The following GRM5 variants were observed in gnomAD, a reference collection of about 807,000 sequenced individuals.
The protein encoded by GRM5 is glutamate metabotropic receptor 5.
In GRM5, 19 loss-of-function variants were observed where a neutral mutation model predicts 83.1. The ratio of observed to expected loss-of-function variants is 0.23; its 90% CI spans 0.16 to 0.34. The LOEUF is 0.34. Ranked by LOEUF, GRM5 falls within the 10% of genes least tolerant of loss-of-function variation. The pLI, the probability that GRM5 is intolerant of heterozygous loss-of-function variation, is 1.00. For missense variants in GRM5, 1,160 were observed against 1,588.3 expected (o/e 0.73, Z 4.58); for synonymous variants, 675 against 633.6 (o/e 1.07, Z -0.98).
intron 2 of GRM5, among the ~76,000 whole-genome samples, chr11:88,972,058 A>G (rs1939179625): frequency 6.6e-6 from 1 of 152,142 alleles, no homozygotes; most frequent in Non-Finnish European, 1.5e-5. Flanking sequence ...AAGCACTGCC[A>G]TCTTAAAGTT....
At chr11:88,708,757 G>C (rs938062879) in intron 3 of GRM5, among the ~76,000 whole-genome samples, 1 of 152,048 alleles carries the variant, frequency 6.6e-6, no homozygotes, top group Non-Finnish European at 1.5e-5. Context: ...TTTAGGAGTA[G>C]TAAAGACTTG....
intron 8 of GRM5, among the ~76,000 whole-genome samples, chr11:88,525,983 C>T (rs1230847783): frequency 6.6e-6 from 1 of 152,156 alleles, no homozygotes; most frequent in African/African-American, 2.4e-5. Flanking sequence ...AATGTGTTGC[C>T]TTCCATTATC....
chr11:88,920,105 T>C (rs1248651181), intron 2 of GRM5, among the ~76,000 whole-genome samples: 7 of 151,408 alleles, frequency 4.6e-5, no homozygotes, highest in African/African-American at 1.7e-4. Context: ...ATCAATGAAA[T>C]GAAAAGATGG....
At chr11:88,777,529 A>G (rs1942883083) in intron 3 of GRM5, among the ~76,000 whole-genome samples, 1 of 151,988 alleles carries the variant, frequency 6.6e-6, no homozygotes, top group East Asian at 1.9e-4. Context: ...GATTTTTAGA[A>G]TTTTCAGCTT....
intron 3 of GRM5, among the ~76,000 whole-genome samples, chr11:88,809,432 A>G (rs1943551913): frequency 6.6e-6 from 1 of 152,042 alleles, no homozygotes; most frequent in Non-Finnish European, 1.5e-5. Flanking sequence ...GAGGTTATAT[A>G]GATTCATTTG....
chr11:88,993,754 C>T lies in GRM5; in HGVS notation c.661+53458G>A, dbSNP rs146234849. ...GTTTGTTTTTTGAGACAGGGTCTCA[C>T]TCTGTTGTCCAGGCTGGAGTGCAGT... is the stretch of plus-strand genomic sequence containing the variant. On this transcript the variant is annotated intron_variant, in intron 2 of 9. Coordinates refer to ENST00000305447, the MANE Select transcript of GRM5 (RefSeq NM_001143831.3). Among the ~76,000 whole-genome samples, 1,269 of 152,256 alleles carry T rather than the reference C, an allele frequency of 8.3e-3. 31 individuals carry two copies. The highest frequency in any genetic ancestry group is 0.064 in the East Asian group (332 of 5,184).
intron 4 of GRM5, among the ~76,000 whole-genome samples, chr11:88,624,173 T>A (rs1938721075): frequency 1.3e-5 from 2 of 152,300 alleles, no homozygotes; most frequent in African/African-American, 4.8e-5. Flanking sequence ...GACCAAAAGT[T>A]TTCCTGAGCC....
chr11:88,823,420 G>A (rs7479982), intron 3 of GRM5, among the ~76,000 whole-genome samples: 40,752 of 151,452 alleles, frequency 0.27, 5,821 homozygotes, highest in South Asian at 0.54. Context: ...ATATCCTTCA[G>A]TATTTTAAGT....
At chr11:88,823,432 T>C (rs1176525460) in intron 3 of GRM5, among the ~76,000 whole-genome samples, 1 of 152,050 alleles carries the variant, frequency 6.6e-6, no homozygotes, top group Admixed American at 6.6e-5. Context: ...ATTTTAAGTT[T>C]ACTGGTTTTG....
chr11:88,601,156 G>T (rs112667439), intron 5 of GRM5, among the ~76,000 whole-genome samples: 16 of 152,114 alleles, frequency 1.1e-4, no homozygotes, highest in African/African-American at 3.9e-4. Flanking sequence ...AATTGACTAT[G>T]CAACCTTGGA....
At chr11:88,696,631 G>T (rs1827103) in intron 3 of GRM5, among the ~76,000 whole-genome samples, 85,472 of 151,566 alleles carry the variant, frequency 0.56, 26,794 homozygotes, top group South Asian at 0.8. Flanking sequence ...TTTGATATTT[G>T]ATAATGAAGC....
At chr11:88,963,520 G>A in intron 2 of GRM5, among the ~76,000 whole-genome samples, 1 of 152,198 alleles carries the variant, frequency 6.6e-6, no homozygotes, top group East Asian at 1.9e-4. Flanking sequence ...CCTTCTGGCT[G>A]AAATACAGTT....
chr11:88,904,357 A>T (rs547077043), intron 2 of GRM5, among the ~76,000 whole-genome samples: 1 of 152,302 alleles, frequency 6.6e-6, no homozygotes, highest in Non-Finnish European at 1.5e-5. Context: ...ATTTATTTAT[A>T]ATTAATTCAT....
At chr11:88,981,495 C>T (rs531092422) in intron 2 of GRM5, among the ~76,000 whole-genome samples, 1 of 152,116 alleles carries the variant, frequency 6.6e-6, no homozygotes, top group East Asian at 1.9e-4. Context: ...TATTTACAGA[C>T]AAAACATTGG....
chr11:88,834,665 C>G (rs752238091), intron 3 of GRM5, among the ~76,000 whole-genome samples: 1 of 152,256 alleles, frequency 6.6e-6, no homozygotes, highest in African/African-American at 2.4e-5. Context: ...TTGACTTTTC[C>G]TAATCCAAGT....
At chr11:88,945,127 CAT>C (rs1003870875) in intron 2 of GRM5, among the ~76,000 whole-genome samples, 12 of 128,392 alleles carry the variant, frequency 9.3e-5, no homozygotes, top group African/African-American at 2.2e-4. Flanking sequence ...CACACACACA[CAT>C]ACACACACAC....
chr11:88,846,232 A>T (rs1479401419), intron 3 of GRM5, among the ~76,000 whole-genome samples: 1 of 152,238 alleles, frequency 6.6e-6, no homozygotes, highest in Non-Finnish European at 1.5e-5. Context: ...TTAAATTTCT[A>T]ACTTTTAAAT....
chr11:88,953,509 C>T (rs958511661), intron 2 of GRM5, among the ~76,000 whole-genome samples: 1 of 152,164 alleles, frequency 6.6e-6, no homozygotes, highest in Non-Finnish European at 1.5e-5. Flanking sequence ...TATATACACT[C>T]TGATGGCCTG....
At chr11:88,677,970 G>A (rs939736334) in intron 3 of GRM5, among the ~76,000 whole-genome samples, 2 of 151,976 alleles carry the variant, frequency 1.3e-5, no homozygotes, top group Non-Finnish European at 2.9e-5. Flanking sequence ...TTAATAGATA[G>A]TATTGAAAAT....
Sources: gnomAD v4.1 joint callset for allele counts (sites outside exome capture counted in the v4.1 genomes callset) on GRCh38, gnomAD v4.1.1 for gene constraint, MANE v1.5 for transcripts, NCBI Gene and HGNC (gene_info 2026-07-23, HGNC 2026-07-21) for gene names.